BOC: variants seen among roughly 807,000 people sequenced by gnomAD.
The protein encoded by BOC is BOC cell adhesion associated, oncogene regulated.
A neutral mutation model predicts 112.0 loss-of-function variants in BOC; 76 were observed. The ratio of observed to expected loss-of-function variants is 0.68; its 90% confidence interval spans 0.56 to 0.82. The LOEUF is 0.82. Ranked by LOEUF, BOC falls within the 40% of genes least tolerant of loss-of-function variation. The pLI is 0.00. For synonymous variants in BOC, 580 were observed against 599.8 expected (o/e 0.97, Z 0.48); for missense variants, 1,309 against 1,511.7 (o/e 0.87, Z 2.22).
intron 15 of BOC, 45 bp from the exon 16 acceptor site, chr3:113,283,366 T>C: frequency 6.6e-7 from 1 of 1,519,808 alleles, no homozygotes; most frequent in African/African-American, 1.4e-5. Flanking sequence ...GTGAAGGAAA[T>C]ATCAAAGAAA....
rs1948922897 is a variant in BOC, at chr3:113,278,897, C to T, written c.1816+114C>T. The T allele has an allele frequency of 7.0e-6, 6 of 855,378 alleles. No homozygotes were observed. The highest frequency in any genetic ancestry group is 5.3e-5 in the East Asian group (2 of 37,438). The allele number at this position is 855,378 out of a possible 1,614,324, so 53.0% of individuals were successfully genotyped here. On this transcript the variant is annotated intron_variant, in intron 11 of 19. Transcript: ENST00000682979. This position sits in a 1 kb window ranked among gnomAD's most constrained non-coding sequence, Gnocchi z 4.2. ...TGTAGGTCCAGGGTTTTTATGACAT[C>T]TCCCAGTTAACCACAATGAGGAAAT...
chr3:113,235,481 A>G (rs72942474), intron 2 of BOC, among the ~76,000 whole-genome samples: 2,115 of 152,292 alleles, frequency 0.014, 46 homozygotes, highest in African/African-American at 0.047. Flanking sequence ...TCTTGTCTCA[A>G]CTGACCTACT....
At chr3:113,218,001 C>T (rs1225661099) in intron 2 of BOC, among the ~76,000 whole-genome samples, 1 of 152,158 alleles carries the variant, frequency 6.6e-6, no homozygotes, top group Non-Finnish European at 1.5e-5. Context: ...TTTGTTTTAC[C>T]GTCTGTGGCT....
At chr3:113,283,306 A>T in intron 15 of BOC, 105 bp from the exon 16 acceptor site, 1 of 1,157,534 alleles carries the variant, frequency 8.6e-7, no homozygotes, top group African/African-American at 1.6e-5. Context: ...AGTGAGTCTG[A>T]CCCCATTTCC....
At chr3:113,247,970 C>A (rs1429915983) in intron 2 of BOC, among the ~76,000 whole-genome samples, 1 of 152,182 alleles carries the variant, frequency 6.6e-6, no homozygotes, top group Non-Finnish European at 1.5e-5. Context: ...AGAAAACATC[C>A]CCTTGTCCTA....
At chr3:113,215,498 T>C (rs1939184879) in intron 1 of BOC, among the ~76,000 whole-genome samples, 2 of 152,304 alleles carry the variant, frequency 1.3e-5, no homozygotes, top group South Asian at 2.1e-4. Flanking sequence ...CTTCCCCAAG[T>C]TTGCCTGCTC....
chr3:113,241,112 G>A (rs1470056325), intron 2 of BOC, among the ~76,000 whole-genome samples: 1 of 152,224 alleles, frequency 6.6e-6, no homozygotes, highest in Non-Finnish European at 1.5e-5. Flanking sequence ...GGCCACTGGA[G>A]AGCTGAGAAT....
chr3:113,227,450 C>T (rs1041688549), intron 2 of BOC, among the ~76,000 whole-genome samples: 10 of 152,226 alleles, frequency 6.6e-5, no homozygotes, highest in African/African-American at 2.4e-4. Context: ...AGCCAGATGG[C>T]TCCCAGTATT....
intron 3 of BOC, among the ~76,000 whole-genome samples, 178 bp from the exon 4 acceptor site, chr3:113,250,377 C>T (rs1399578572): frequency 6.6e-6 from 1 of 152,216 alleles, no homozygotes; most frequent in Non-Finnish European, 1.5e-5. Context: ...TCTCACTCCA[C>T]ATCTACTCTC....
intron 4 of BOC, among the ~76,000 whole-genome samples, chr3:113,259,624 G>A (rs1419594716): frequency 1.3e-5 from 2 of 152,106 alleles, no homozygotes; most frequent in African/African-American, 4.8e-5. Context: ...TAGACTTTCA[G>A]CCATTTTTGG....
At chr3:113,264,615 C>T (rs1415043768) in intron 4 of BOC, among the ~76,000 whole-genome samples, 1 of 152,166 alleles carries the variant, frequency 6.6e-6, no homozygotes, top group Non-Finnish European at 1.5e-5. Context: ...CATCTGATGG[C>T]TGGTTAGGCT....
chr3:113,254,920 A>C (rs1946067324), intron 4 of BOC, among the ~76,000 whole-genome samples: 1 of 152,126 alleles, frequency 6.6e-6, no homozygotes, highest in South Asian at 2.1e-4. Context: ...ACCAGGTGAC[A>C]TCATCTTTTG....
At chr3:113,275,921 C>G (rs375731021) in intron 9 of BOC, among the ~76,000 whole-genome samples, 6 of 152,190 alleles carry the variant, frequency 3.9e-5, no homozygotes, top group Non-Finnish European at 7.3e-5. Context: ...CAGAGCACCC[C>G]CTATGCTCCC....
At chr3:113,247,498 A>AG (rs1945066788) in intron 2 of BOC, among the ~76,000 whole-genome samples, 1 of 48,866 alleles carries the variant, frequency 2.0e-5, no homozygotes, top group Non-Finnish European at 5.4e-5. Context: ...GAGCCCTGAT[A>AG]GGAAAAAAAA....
Position 113,272,454 on chromosome 3 carries a change from C to G in BOC, c.712C>G (p.Gln238Glu). ...AARIIYPPEAQTIIVTKGQSL... is the reference protein window; with the variant it reads ...AARIIYPPEAETIIVTKGQSL... ...CCGCATCATCTACCCCCCAGAGGCC[C>G]AAACCATCATCGTCACCAAAGGCCA... Residue 238 changes from glutamine (Q) to glutamate (E), a missense_variant, in exon 7 of 20, where the codon CAA becomes GAA. Coordinates refer to ENST00000682979, the MANE Select transcript of BOC (RefSeq NM_001378074.1). 1 of 1,614,124 alleles carries G rather than the reference C, an allele frequency of 6.2e-7. No individual in the cohort carries two copies. The highest frequency in any genetic ancestry group is 1.1e-5 in the South Asian group (1 of 91,068).
At chr3:113,272,219 G>A in intron 6 of BOC, 191 bp from the exon 7 acceptor site, 1 of 624,146 alleles carries the variant, frequency 1.6e-6, no homozygotes, top group Non-Finnish European at 2.8e-6. Context: ...CCCTGCAGAA[G>A]CAGTCCTTGT....
chr3:113,219,271 G>A (rs1179604383), intron 2 of BOC, among the ~76,000 whole-genome samples: 1 of 152,210 alleles, frequency 6.6e-6, no homozygotes, highest in African/African-American at 2.4e-5. Context: ...GCAAACTGAG[G>A]TTGGTTTGTC....
intron 13 of BOC, 136 bp downstream of exon 13, chr3:113,280,141 C>T: frequency 1.1e-6 from 1 of 921,456 alleles, no homozygotes; most frequent in Non-Finnish European, 1.6e-6. Context: ...CTCTTAGTGG[C>T]TGGAGCTGCT....
At chr3:113,272,789 G>A in intron 7 of BOC, 86 bp downstream of exon 7, 1 of 1,483,496 alleles carries the variant, frequency 6.7e-7, no homozygotes, top group Non-Finnish European at 9.1e-7. Context: ...GGCTCACAAA[G>A]GGTTAGCATC....
Sources: allele counts gnomAD v4.1 joint callset (sites outside exome capture counted in the v4.1 genomes callset), GRCh38; gene constraint gnomAD v4.1.1; non-coding constraint Gnocchi (gnomAD v3.1); transcripts MANE v1.5; gene names NCBI Gene and HGNC (gene_info 2026-07-23, HGNC 2026-07-21).